DLG2: variants seen among roughly 807,000 people sequenced by gnomAD.
The protein encoded by DLG2 is discs large MAGUK scaffold protein 2.
A neutral mutation model predicts 132.5 loss-of-function variants in DLG2; 45 were observed. That is an observed-to-expected ratio of 0.34 (90% CI 0.27 to 0.44). The LOEUF (loss-of-function observed/expected upper bound fraction) is 0.44, where lower values mean the gene tolerates loss of function less well. Ranked by LOEUF, DLG2 falls within the 20% of genes least tolerant of loss-of-function variation. DLG2 has a pLI of 1.00. For synonymous variants in DLG2, 424 were observed against 419.6 expected (o/e 1.01, Z -0.13); for missense variants, 1,045 against 1,196.9 (o/e 0.87, Z 1.87).
intron 18 of DLG2, among the ~76,000 whole-genome samples, chr11:83,764,296 A>G (rs2094043511): frequency 1.3e-5 from 2 of 152,206 alleles, no homozygotes; most frequent in African/African-American, 4.8e-5. Context: ...TTCCTACCCT[A>G]CCACTCCCAG....
In DLG2 at chr11:85,104,238, G is replaced by A. The variant is rs116455024; in HGVS notation, c.357+7423C>T. ...ATACCCAAGAGAATTGAAAATACAT[G>A]TCCACACAAAAACTTGCACAAAAAT... On this transcript the variant is annotated intron_variant, in intron 6 of 27. Transcript: ENST00000376104. 2.4e-3 allele frequency among the ~76,000 whole-genome samples: 357 copies of A among 151,874 alleles called. 1 individual carries two copies. Among genetic ancestry groups the A allele is most frequent in the African/African-American group, 8.2e-3 (340 of 41,474 alleles).
chr11:85,456,400 T>C (rs965304987), intron 3 of DLG2, among the ~76,000 whole-genome samples: 1 of 152,140 alleles, frequency 6.6e-6, no homozygotes, highest in Non-Finnish European at 1.5e-5. Flanking sequence ...ATCTTACTTA[T>C]TCTTTCAAAA....
At chr11:85,297,983 G>C (rs2079348114) in intron 3 of DLG2, among the ~76,000 whole-genome samples, 1 of 152,122 alleles carries the variant, frequency 6.6e-6, no homozygotes, top group Non-Finnish European at 1.5e-5. Context: ...CCATGTGATG[G>C]GAAGGGACTG....
At chr11:84,547,132 G>A (rs968982931) in intron 6 of DLG2, among the ~76,000 whole-genome samples, 4 of 152,046 alleles carry the variant, frequency 2.6e-5, no homozygotes, top group Admixed American at 2.0e-4. Flanking sequence ...GATGATGCAT[G>A]GAAGGCACTT....
At chr11:85,014,687 T>C (rs564994942) in intron 6 of DLG2, among the ~76,000 whole-genome samples, 37 of 152,296 alleles carry the variant, frequency 2.4e-4, no homozygotes, top group African/African-American at 8.9e-4. Context: ...AAATGATTCA[T>C]ACTTCAAAGC....
chr11:84,637,825 A>C (rs2154544694), intron 6 of DLG2, among the ~76,000 whole-genome samples: 1 of 152,244 alleles, frequency 6.6e-6, no homozygotes, highest in Non-Finnish European at 1.5e-5. Context: ...AAAACATGAC[A>C]CCCTGGCCAA....
intron 7 of DLG2, among the ~76,000 whole-genome samples, chr11:84,292,063 T>C (rs984767964): frequency 1.4e-4 from 21 of 152,098 alleles, no homozygotes; most frequent in Admixed American, 5.2e-4. Flanking sequence ...GGAATGACTA[T>C]AGAGTGTGAT....
chr11:85,225,358 C>A (rs1448296224), intron 4 of DLG2, among the ~76,000 whole-genome samples: 1 of 152,074 alleles, frequency 6.6e-6, no homozygotes, highest in African/African-American at 2.4e-5. Context: ...CCGCAGATGA[C>A]CTTGCTACCT....
chr11:85,179,715 G>A (rs1284228585), intron 4 of DLG2, among the ~76,000 whole-genome samples: 2 of 151,752 alleles, frequency 1.3e-5, no homozygotes, highest in Non-Finnish European at 3.0e-5. Flanking sequence ...TTAAATGGCG[G>A]AATAAGTCTA....
At position 83,887,476 on chromosome 11, in the gene DLG2, G is replaced by A. The variant is rs574530840; in HGVS notation, c.1497-12988C>T. On this transcript the variant is annotated intron_variant, in intron 15 of 27. Coordinates refer to ENST00000376104, the MANE Select transcript of DLG2 (RefSeq NM_001142699.3). The stretch of plus-strand genomic sequence containing the variant: ...TAATCAATAGCTTACCAACCAAAAA[G>A]AGTCCAGGACCAGACGGATTCACAG... 1.2e-3 allele frequency among the ~76,000 whole-genome samples: 187 copies of A among 152,002 alleles called. 1 individual carries two copies. The highest frequency in any genetic ancestry group is 4.2e-3 in the African/African-American group (176 of 41,464).
At chr11:84,984,462 A>G (rs1203604599) in intron 6 of DLG2, among the ~76,000 whole-genome samples, 1 of 152,176 alleles carries the variant, frequency 6.6e-6, no homozygotes, top group Non-Finnish European at 1.5e-5. Flanking sequence ...AGCCAGCACT[A>G]CAAGAACTGC....
At position 84,460,070 on chromosome 11, in the gene DLG2, G is replaced by C. The variant is rs1332104577; in HGVS notation, c.519+74500C>G. ...TAGGTTTTCTGAGAAATTTTGTCAG[G>C]AATGAGTTTTAAATTTTATCAAATA... On this transcript the variant is annotated intron_variant, in intron 7 of 27. Transcript: ENST00000376104. 2.7e-5 allele frequency among the ~76,000 whole-genome samples: 4 copies of C among 150,562 alleles called. 1 individual carries two copies. The highest frequency in any genetic ancestry group is 2.7e-4 in the Admixed American group (4 of 15,068).
intron 7 of DLG2, among the ~76,000 whole-genome samples, chr11:84,478,752 T>C (rs1015103212): frequency 9.2e-5 from 14 of 152,068 alleles, no homozygotes; most frequent in African/African-American, 3.4e-4. Flanking sequence ...ATGTATATTT[T>C]TTTCAACACA....
chr11:85,180,153 G>A (rs2079592405), intron 4 of DLG2, among the ~76,000 whole-genome samples: 1 of 151,808 alleles, frequency 6.6e-6, no homozygotes, highest in Non-Finnish European at 1.5e-5. Context: ...GAAAAAGTAT[G>A]TTATAAAAGA....
chr11:84,337,556 C>T (rs1343169405), intron 7 of DLG2, among the ~76,000 whole-genome samples: 1 of 152,032 alleles, frequency 6.6e-6, no homozygotes, highest in Non-Finnish European at 1.5e-5. Context: ...TCTGCTTTCA[C>T]ATTTAATATA....
intron 6 of DLG2, among the ~76,000 whole-genome samples, chr11:84,849,775 C>T (rs2081962486): frequency 1.3e-5 from 2 of 152,104 alleles, no homozygotes; most frequent in Non-Finnish European, 2.9e-5. Flanking sequence ...TACTTTGGTG[C>T]TGTTTCCATC....
At chr11:85,231,868 T>C (rs1314309567) in intron 4 of DLG2, among the ~76,000 whole-genome samples, 2 of 151,958 alleles carry the variant, frequency 1.3e-5, no homozygotes, top group African/African-American at 4.8e-5. Context: ...CCCAGAACTG[T>C]GCAAACTCCA....
intron 6 of DLG2, among the ~76,000 whole-genome samples, chr11:84,806,836 A>C (rs2076053801): frequency 6.6e-6 from 1 of 152,200 alleles, no homozygotes; most frequent in Non-Finnish European, 1.5e-5. Context: ...TTGATGGTAG[A>C]AACTTAAATA....
chr11:84,716,159 T>G (rs1433442724), intron 6 of DLG2, among the ~76,000 whole-genome samples: 1 of 152,066 alleles, frequency 6.6e-6, no homozygotes, highest in Non-Finnish European at 1.5e-5. Context: ...TCCTGATACT[T>G]AACGATGTTG....
Sources: gnomAD v4.1 joint callset for allele counts (sites outside exome capture counted in the v4.1 genomes callset) on GRCh38, gnomAD v4.1.1 for gene constraint, MANE v1.5 for transcripts, NCBI Gene and HGNC (gene_info 2026-07-23, HGNC 2026-07-21) for gene names.